The following OPCML variants were observed in gnomAD, a reference collection of about 807,000 sequenced individuals.
OPCML encodes opioid binding protein/cell adhesion molecule like.
OPCML carries 13 observed loss-of-function variants against 37.8 expected under a neutral mutation model. The ratio of observed to expected loss-of-function variants is 0.34; its 90% CI spans 0.22 to 0.55. OPCML has a LOEUF of 0.55. OPCML is among the 20% of genes least tolerant of loss of function. OPCML has a pLI of 0.91. For synonymous variants in OPCML, 176 were observed against 168.8 expected (o/e 1.04, Z -0.33); for missense variants, 341 against 435.6 (o/e 0.78, Z 1.93).
chr11:133,144,070 T>C (rs1453802739), intron 1 of OPCML, among the ~76,000 whole-genome samples: 2 of 152,196 alleles, frequency 1.3e-5, no homozygotes, highest in African/African-American at 4.8e-5. Flanking sequence ...CTCATCTTCT[T>C]CTCTCCTCTG....
intron 1 of OPCML, among the ~76,000 whole-genome samples, chr11:133,290,920 T>G (rs899486741): frequency 1.3e-5 from 2 of 152,208 alleles, no homozygotes; most frequent in East Asian, 3.9e-4. Flanking sequence ...CAGGGCCACT[T>G]GAATTGTGCT....
intron 1 of OPCML, among the ~76,000 whole-genome samples, chr11:133,457,104 G>C (rs959133670): frequency 2.0e-5 from 3 of 152,166 alleles, no homozygotes; most frequent in African/African-American, 7.2e-5. Context: ...ATCTTGAACA[G>C]AGCAAAAGGA....
rs186153615 is a variant in OPCML, at chr11:133,304,799, G to A, written c.61+227465C>T. Among the ~76,000 whole-genome samples, 252 of 152,168 alleles carry A rather than the reference G, an allele frequency of 1.7e-3. 5 individuals are homozygous for A. The highest frequency in any genetic ancestry group is 0.01 in the Middle Eastern group (3 of 294). On this transcript the variant is annotated intron_variant, in intron 1 of 7. Transcript: ENST00000524381. ...TTGGCCCACATACCTTAACCACCAC[G>A]TAACCCCTTCCTTTTCAAAAACACT...
chr11:132,469,429 ATGTGTGTGTGAATGTATGTG>A (rs2096128884), intron 4 of OPCML, among the ~76,000 whole-genome samples: 1 of 138,340 alleles, frequency 7.2e-6, no homozygotes, highest in African/African-American at 2.7e-5. Context: ...GTATGTGTGT[ATGTGTGTGTGAATGTATGTG>A]TGTGTGTGGT....
At chr11:132,519,269 G>A (rs951678136) in intron 4 of OPCML, among the ~76,000 whole-genome samples, 5 of 152,080 alleles carry the variant, frequency 3.3e-5, no homozygotes, top group Non-Finnish European at 5.9e-5. Flanking sequence ...AGGGAAGGTG[G>A]GGGTCAATGT....
intron 1 of OPCML, among the ~76,000 whole-genome samples, chr11:133,461,778 T>G (rs941704228): frequency 6.6e-6 from 1 of 151,938 alleles, no homozygotes; most frequent in Non-Finnish European, 1.5e-5. Flanking sequence ...ATCGAAAAAT[T>G]TATTCTAAAA....
intron 1 of OPCML, among the ~76,000 whole-genome samples, chr11:133,103,733 G>A (rs1338197805): frequency 5.3e-5 from 8 of 152,186 alleles, no homozygotes; most frequent in Non-Finnish European, 5.9e-5. Context: ...CTTCCTAGCA[G>A]CCAGAGTTCT....
chr11:132,651,992 T>C, intron 3 of OPCML, among the ~76,000 whole-genome samples: 1 of 152,118 alleles, frequency 6.6e-6, no homozygotes, highest in East Asian at 1.9e-4. Flanking sequence ...CGGATCTTCT[T>C]ACTCCATCTA....
At chr11:132,806,026 A>G (rs934055063) in intron 2 of OPCML, among the ~76,000 whole-genome samples, 2 of 152,182 alleles carry the variant, frequency 1.3e-5, no homozygotes, top group Non-Finnish European at 2.9e-5. Context: ...CGAGAATCAG[A>G]AAGTGTTGGG....
chr11:133,511,076 T>C (rs529745616), intron 1 of OPCML, among the ~76,000 whole-genome samples: 5 of 152,328 alleles, frequency 3.3e-5, no homozygotes, highest in East Asian at 3.9e-4. Context: ...CTTCCAATTG[T>C]ACGGATCAAA....
intron 1 of OPCML, among the ~76,000 whole-genome samples, chr11:133,019,005 A>G (rs898761434): frequency 2.0e-5 from 3 of 152,054 alleles, no homozygotes; most frequent in African/African-American, 7.2e-5. Context: ...CTCACCTACA[A>G]TCCTCACATT....
chr11:133,423,084 G>A, intron 1 of OPCML: 1 of 985,436 alleles, frequency 1.0e-6, no homozygotes, highest in Non-Finnish European at 1.2e-6. Context: ...TCTCGAACGT[G>A]TTCTCCAGAA....
chr11:132,733,713 T>C (rs542748172), intron 2 of OPCML, among the ~76,000 whole-genome samples: 10 of 152,274 alleles, frequency 6.6e-5, no homozygotes, highest in African/African-American at 2.4e-4. Context: ...TGATCCACCG[T>C]GGTAAGTGTT....
At chr11:133,130,697 G>A (rs907712570) in intron 1 of OPCML, among the ~76,000 whole-genome samples, 15 of 152,096 alleles carry the variant, frequency 9.9e-5, no homozygotes, top group African/African-American at 3.4e-4. Flanking sequence ...GACATACAAA[G>A]CTACAGTGAT....
At chr11:133,176,314 G>A (rs557061610) in intron 1 of OPCML, among the ~76,000 whole-genome samples, 43 of 149,924 alleles carry the variant, frequency 2.9e-4, no homozygotes, top group African/African-American at 1.0e-3. Flanking sequence ...GGAAAAGAGA[G>A]CAATGCAGTA....
At chr11:133,017,725 T>C (rs1291105406) in intron 1 of OPCML, among the ~76,000 whole-genome samples, 2 of 152,230 alleles carry the variant, frequency 1.3e-5, no homozygotes, top group African/African-American at 4.8e-5. Flanking sequence ...TTGATGCTTA[T>C]TTATGATACA....
chr11:132,869,954 A>G (rs892647755), intron 2 of OPCML, among the ~76,000 whole-genome samples: 1 of 152,220 alleles, frequency 6.6e-6, no homozygotes, highest in African/African-American at 2.4e-5. Context: ...AAACAGTCAA[A>G]CATCATCTAT....
intron 2 of OPCML, among the ~76,000 whole-genome samples, chr11:132,852,706 G>A (rs1941866510): frequency 6.6e-6 from 1 of 152,126 alleles, no homozygotes. Context: ...AACAGAGAGA[G>A]TAATTTTAGT....
chr11:133,210,198 G>T (rs529352437), intron 1 of OPCML, among the ~76,000 whole-genome samples: 174 of 152,236 alleles, frequency 1.1e-3, no homozygotes, highest in African/African-American at 3.6e-3. Context: ...AGCGTCTGGG[G>T]GATACACAGT....
Sources: allele counts gnomAD v4.1 joint callset (sites outside exome capture counted in the v4.1 genomes callset), GRCh38; gene constraint gnomAD v4.1.1; transcripts MANE v1.5; gene names NCBI Gene and HGNC (gene_info 2026-07-23, HGNC 2026-07-21).